The following RBMS3 variants were observed in gnomAD, a reference collection of about 807,000 sequenced individuals.
RBMS3 encodes the protein RNA binding motif single stranded interacting protein 3, also known as RNA-binding motif, single-stranded-interacting protein 3.
Under a neutral mutation model 66.8 loss-of-function variants are expected in RBMS3, and 27 were observed. That is an observed-to-expected ratio of 0.40 (90% CI 0.30 to 0.56). RBMS3 has a LOEUF of 0.56. Among genes scored for constraint, RBMS3 ranks in the 20% least tolerant of loss-of-function variants. The pLI is 0.40. For missense variants in RBMS3, 513 were observed against 549.5 expected (o/e 0.93, Z 0.66); for synonymous variants, 188 against 183.0 (o/e 1.03, Z -0.22).
chr3:29,833,003 G>C (rs897377094), intron 6 of RBMS3, among the ~76,000 whole-genome samples: 1 of 152,158 alleles, frequency 6.6e-6, no homozygotes, highest in Non-Finnish European at 1.5e-5. Flanking sequence ...CGGCCACAGA[G>C]AACACAAATG....
At chr3:29,718,145 AAATC>A (rs2053485552) in intron 4 of RBMS3, among the ~76,000 whole-genome samples, 1 of 152,138 alleles carries the variant, frequency 6.6e-6, no homozygotes. Context: ...ATGAAAATAT[AAATC>A]AATAATTGTA....
intron 6 of RBMS3, among the ~76,000 whole-genome samples, chr3:29,813,525 T>C (rs2057784985): frequency 6.6e-6 from 1 of 152,128 alleles, no homozygotes; most frequent in South Asian, 2.1e-4. Flanking sequence ...AGAAAGTCAT[T>C]GGTAGCTTGA....
intron 5 of RBMS3, among the ~76,000 whole-genome samples, chr3:29,759,918 C>T (rs144357190): frequency 2.6e-5 from 4 of 152,118 alleles, no homozygotes; most frequent in East Asian, 2.0e-4. Flanking sequence ...TGACACTAAG[C>T]GCCGGCAGCT....
At chr3:29,566,918 T>G (rs753397268) in intron 3 of RBMS3, among the ~76,000 whole-genome samples, 3 of 152,146 alleles carry the variant, frequency 2.0e-5, no homozygotes, top group Non-Finnish European at 4.4e-5. Context: ...TTAAATAAGT[T>G]GATTAAAAAG....
intron 4 of RBMS3, among the ~76,000 whole-genome samples, chr3:29,696,640 CATA>C (rs1490213651): frequency 6.6e-6 from 1 of 152,164 alleles, no homozygotes; most frequent in East Asian, 1.9e-4. Context: ...TTGCTCAATT[CATA>C]ATATTTGAGA....
chr3:29,746,948 C>T (rs971534909), intron 5 of RBMS3, among the ~76,000 whole-genome samples: 1 of 152,096 alleles, frequency 6.6e-6, no homozygotes, highest in African/African-American at 2.4e-5. Flanking sequence ...TAAAATGGAA[C>T]TGGGGGAGCT....
chr3:29,943,024 A>T (rs1335099931), intron 11 of RBMS3, among the ~76,000 whole-genome samples: 1 of 151,774 alleles, frequency 6.6e-6, no homozygotes, highest in Non-Finnish European at 1.5e-5. Flanking sequence ...GAATCTTTTG[A>T]TCATGTTTGC....
intron 7 of RBMS3, among the ~76,000 whole-genome samples, chr3:29,869,681 A>G (rs943152008): frequency 6.6e-6 from 1 of 152,144 alleles, no homozygotes; most frequent in Non-Finnish European, 1.5e-5. Context: ...ACTTTTTTGT[A>G]AGAAGACAAG....
intron 6 of RBMS3, among the ~76,000 whole-genome samples, chr3:29,861,755 T>C (rs2059222586): frequency 1.3e-5 from 2 of 152,222 alleles, no homozygotes; most frequent in African/African-American, 2.4e-5. Flanking sequence ...GCATTGTATG[T>C]TGCATGTTTA....
In RBMS3 at chr3:29,615,550, A is replaced by AT. The variant is rs574499952; in HGVS notation, c.399+28351dup. The stretch of plus-strand genomic sequence containing the variant: ...AGAAAAATGATGCTTCACATAAACA[A>AT]TTTTTTCATATATCATAAATAAAAT... On this transcript the variant is annotated intron_variant, in intron 4 of 14. Transcript: ENST00000383767. Among the ~76,000 whole-genome samples the AT allele has an allele frequency of 1.4e-4, 22 of 152,004 alleles. No homozygotes were observed. In the East Asian group the frequency reaches 3.9e-3, roughly 27 times the overall value.
At chr3:29,854,584 C>T (rs77860259) in intron 6 of RBMS3, among the ~76,000 whole-genome samples, 5,868 of 152,164 alleles carry the variant, frequency 0.039, 427 homozygotes, top group African/African-American at 0.14. Context: ...ATTTCATGGT[C>T]GTAGAGAAAG....
chr3:29,877,993 GAAGAT>G (rs1286428604), intron 7 of RBMS3, among the ~76,000 whole-genome samples: 1 of 152,118 alleles, frequency 6.6e-6, no homozygotes, highest in Non-Finnish European at 1.5e-5. Flanking sequence ...TGGTTTTGTA[GAAGAT>G]AAGTTTTCCG....
At chr3:29,698,386 T>C in intron 4 of RBMS3, 5 of 985,412 alleles carry the variant, frequency 5.1e-6, no homozygotes, top group Non-Finnish European at 6.0e-6. Context: ...ACCAGATTTT[T>C]TTTTTCATGT....
At chr3:29,293,105 G>A (rs1205812211) in intron 1 of RBMS3, among the ~76,000 whole-genome samples, 1 of 151,798 alleles carries the variant, frequency 6.6e-6, no homozygotes, top group East Asian at 1.9e-4. Context: ...GTTCTCAAGG[G>A]AGAACCTGTA....
intron 6 of RBMS3, among the ~76,000 whole-genome samples, chr3:29,818,264 C>T (rs2371817): frequency 5.9e-5 from 9 of 151,628 alleles, no homozygotes; most frequent in Non-Finnish European, 1.0e-4. Context: ...GACAGTATAC[C>T]GCATTGTTTT....
Position 29,560,390 on chromosome 3 carries a change from A to G in RBMS3, c.308-26724A>G, listed in dbSNP as rs149183130. 2.9e-4 allele frequency among the ~76,000 whole-genome samples: 44 copies of G among 152,326 alleles called. 1 individual carries two copies. The East Asian group carries it at 6.6e-3, about 23-fold the overall frequency. ...CAGGAGTTACATACAAATATTTTAA[A>G]AGTATGGAAATATTTGATAACTTAG... is the stretch of plus-strand genomic sequence containing the variant. On this transcript the variant is annotated intron_variant, in intron 3 of 14. Transcript: ENST00000383767.
rs1376783157 is a variant in RBMS3 at position 29,506,837 on chromosome 3, A to AT, written c.307+18344dup. Among the ~76,000 whole-genome samples the AT allele has an allele frequency of 2.0e-5, 3 of 151,400 alleles. No homozygotes were observed. The East Asian group carries it at 5.8e-4, about 29-fold the overall frequency. On this transcript the variant is annotated intron_variant, in intron 3 of 14. Coordinates refer to ENST00000383767, the MANE Select transcript of RBMS3 (RefSeq NM_001003793.3). The stretch of plus-strand genomic sequence containing the variant: ...GTTTTATGTGTCTAAGAATGTATCC[A>AT]TTTTTTCTAAGTTATCCAATTTGTT...
intron 6 of RBMS3, among the ~76,000 whole-genome samples, chr3:29,851,603 C>T (rs1248930597): frequency 2.0e-5 from 3 of 152,164 alleles, no homozygotes; most frequent in Non-Finnish European, 4.4e-5. Flanking sequence ...AAATTGATAA[C>T]TATGCAATTT....
At chr3:29,838,894 C>T (rs2058595651) in intron 6 of RBMS3, among the ~76,000 whole-genome samples, 1 of 152,072 alleles carries the variant, frequency 6.6e-6, no homozygotes. Context: ...AGGTAGCTCT[C>T]ACAATATAGA....
Sources: gnomAD v4.1 joint callset for allele counts (sites outside exome capture counted in the v4.1 genomes callset) on GRCh38, gnomAD v4.1.1 for gene constraint, MANE v1.5 for transcripts, NCBI Gene and HGNC (gene_info 2026-07-23, HGNC 2026-07-21) for gene names.